Variants in TRPA1 observed in about 807,000 individuals in gnomAD.
TRPA1 encodes ankyrin-like with transmembrane domains 1.
In TRPA1, 129 loss-of-function variants were observed where a neutral mutation model predicts 131.3. That is an observed-to-expected ratio of 0.98 (90% CI 0.85 to 1.14). The LOEUF (loss-of-function observed/expected upper bound fraction) is 1.14, where lower values mean the gene tolerates loss of function less well. TRPA1 is among the 50% of genes most tolerant of loss of function. The probability of loss-of-function intolerance (pLI) is 0.00; values close to 1 mark genes in which losing one functional copy is unlikely to be tolerated. For synonymous variants in TRPA1, 441 were observed against 451.7 expected, an observed-to-expected ratio of 0.98 and a Z score of 0.30; for missense variants, 1,304 against 1,354.2, an observed-to-expected ratio of 0.96 and a Z score of 0.58.
chr8:72,065,426 A>G, intron 4 of TRPA1, 25 bp downstream of exon 4: 4 of 1,529,090 alleles, frequency 2.6e-6, no homozygotes, highest in Non-Finnish European at 3.6e-6. Flanking sequence ...TAAAGAAAGC[A>G]GACAGATATG....
chr8:72,036,065 G>A (rs1385728637), intron 21 of TRPA1, among the ~76,000 whole-genome samples: 1 of 150,032 alleles, frequency 6.7e-6, no homozygotes, highest in African/African-American at 2.5e-5. Context: ...AGAATTATCT[G>A]GCTACAAAGT....
At chr8:72,037,938 T>C (rs372344713) in intron 20 of TRPA1, 45 bp downstream of exon 20, 11 of 1,131,742 alleles carry the variant, frequency 9.7e-6, no homozygotes, top group African/African-American at 1.5e-5. Flanking sequence ...ATGTTCTGCA[T>C]ATGAAAATAT....
At chr8:72,061,397 A>G (rs1805804079) in intron 7 of TRPA1, among the ~76,000 whole-genome samples, 1 of 152,336 alleles carries the variant, frequency 6.6e-6, no homozygotes, top group Admixed American at 6.5e-5. Context: ...GACTTGAATC[A>G]GAATATGCCA....
At chr8:72,073,268 A>G (rs1806105263) in intron 1 of TRPA1, among the ~76,000 whole-genome samples, 1 of 152,254 alleles carries the variant, frequency 6.6e-6, no homozygotes, top group South Asian at 2.1e-4. Context: ...ATAGAAAGTC[A>G]AATGCTAAAC....
chr8:72,080,446 C>T (rs1044910480), upstream of TRPA1, among the ~76,000 whole-genome samples: 2 of 151,548 alleles, frequency 1.3e-5, no homozygotes, highest in African/African-American at 4.8e-5. Context: ...TTAAACCAAC[C>T]TTTTCATATG....
intron 6 of TRPA1, among the ~76,000 whole-genome samples, chr8:72,062,573 T>C (rs1356859186): frequency 1.3e-5 from 2 of 152,192 alleles, no homozygotes; most frequent in Non-Finnish European, 2.9e-5. Flanking sequence ...TATATAGTCT[T>C]TGTTGTATCT....
intron 24 of TRPA1, among the ~76,000 whole-genome samples, chr8:72,027,950 T>G (rs1473867397): frequency 6.6e-6 from 1 of 152,184 alleles, no homozygotes; most frequent in Non-Finnish European, 1.5e-5. Context: ...GACACTTTAG[T>G]TCAGTAAGCT....
At chr8:72,071,602 C>T in intron 2 of TRPA1, 109 bp downstream of exon 2, 1 of 1,240,054 alleles carries the variant, frequency 8.1e-7, no homozygotes, top group Non-Finnish European at 1.2e-6. Context: ...AATATATAGG[C>T]TCTTTATAAT....
Position 72,063,007 on chromosome 8 carries a change from G to C in TRPA1, c.662-63C>G. ...AAAATAAATAATAGGGAGGTTTTTT[G>C]TTAAAAAATATGAACAAAGGTAAAA... is the stretch of plus-strand genomic sequence containing the variant. On this transcript the variant is annotated intron_variant, in intron 5 of 26. Transcript: ENST00000262209. 2.0e-6 allele frequency: 3 copies of C among 1,476,030 alleles called. No homozygotes were observed. In the Admixed American group the frequency reaches 5.9e-5, roughly 29 times the overall value. The allele number at this position is 1,476,030 out of a possible 1,614,324, so 91.4% of individuals were successfully genotyped here.
At chr8:72,063,676 T>C in intron 4 of TRPA1, 105 bp from the exon 5 acceptor site, 2 of 743,588 alleles carry the variant, frequency 2.7e-6, no homozygotes, top group Non-Finnish European at 4.7e-6. Flanking sequence ...ATTATATGTC[T>C]ATGTAAAAGT....
chr8:72,036,679 T>C (rs1002210488), intron 20 of TRPA1, among the ~76,000 whole-genome samples: 2 of 152,174 alleles, frequency 1.3e-5, no homozygotes, highest in African/African-American at 4.8e-5. Flanking sequence ...CCTGGTGTTA[T>C]GGGAATCCGA....
intron 1 of TRPA1, among the ~76,000 whole-genome samples, chr8:72,074,762 C>T (rs548572453): frequency 6.6e-6 from 1 of 152,276 alleles, no homozygotes; most frequent in South Asian, 2.1e-4. Context: ...GAAGCTCCTA[C>T]CCCTGGAGAA....
chr8:72,042,738 A>T (rs537093684), intron 17 of TRPA1, among the ~76,000 whole-genome samples: 30 of 151,940 alleles, frequency 2.0e-4, no homozygotes, highest in Non-Finnish European at 3.5e-4. Flanking sequence ...CAAAAGAAGG[A>T]AGTCTTGTCA....
intron 13 of TRPA1, chr8:72,052,995 G>GTGTGTGTGTGTGTGTGATAGATAGAGAA (rs71265966): frequency 2.8e-6 from 1 of 351,398 alleles, no homozygotes; most frequent in Admixed American, 4.7e-5. Context: ...GTGTGTGTGT[G>GTGTGTGTGTGTGTGTGATAGATAGAGAA]AGAGATAGAG....
intron 17 of TRPA1, among the ~76,000 whole-genome samples, chr8:72,040,151 C>A (rs1407886960): frequency 1.3e-5 from 2 of 152,168 alleles, no homozygotes; most frequent in East Asian, 3.9e-4. Flanking sequence ...GCTTATCTTT[C>A]CAGAAGGATT....
chr8:72,067,034 G>A (rs1805947699), intron 3 of TRPA1, among the ~76,000 whole-genome samples: 1 of 152,146 alleles, frequency 6.6e-6, no homozygotes, highest in African/African-American at 2.4e-5. Context: ...CTGATCCCCA[G>A]GCCAATGTGT....
chr8:72,078,467 T>G (rs185880540), upstream of TRPA1, among the ~76,000 whole-genome samples: 631 of 152,268 alleles, frequency 4.1e-3, 1 homozygote, highest in African/African-American at 0.014. Flanking sequence ...CTCTATAGTT[T>G]AGCCTTCTCT....
At position 72,033,624 on chromosome 8, in the gene TRPA1, T is replaced by C. The variant is rs1811916090; in HGVS notation, c.2868+20A>G. The C allele has an allele frequency of 4.4e-6, 7 of 1,600,078 alleles. No homozygotes were observed. The highest frequency in any genetic ancestry group is 5.1e-6 in the Non-Finnish European group (6 of 1,169,756). ...TTTCAAATGATCAACAAACAGAAAATATAAGAAAAAACTACTTACAAGTAA... is the reference window on the plus strand; with the variant it reads ...TTTCAAATGATCAACAAACAGAAAACATAAGAAAAAACTACTTACAAGTAA... On this transcript the variant is annotated intron_variant, in intron 23 of 26. Transcript: ENST00000262209.
At chr8:72,071,435 C>T (rs916839155) in intron 2 of TRPA1, among the ~76,000 whole-genome samples, 1 of 152,128 alleles carries the variant, frequency 6.6e-6, no homozygotes, top group African/African-American at 2.4e-5. Flanking sequence ...TAAAGGAATA[C>T]ATAAAATGTA....
Sources: gnomAD v4.1 joint callset for allele counts (sites outside exome capture counted in the v4.1 genomes callset) on GRCh38, gnomAD v4.1.1 for gene constraint, MANE v1.5 for transcripts, NCBI Gene and HGNC (gene_info 2026-07-23, HGNC 2026-07-21) for gene names.